SLC36A3: variants seen among roughly 807,000 people sequenced by gnomAD.
SLC36A3 encodes proton-coupled amino acid transporter 3.
Under a neutral mutation model 44.3 loss-of-function variants are expected in SLC36A3, and 35 were observed. The ratio of observed to expected loss-of-function variants is 0.79; its 90% CI spans 0.60 to 1.05. The LOEUF is 1.05. SLC36A3 is among the 50% of genes least tolerant of loss of function. SLC36A3 has a pLI of 0.00. For synonymous variants in SLC36A3, 211 were observed against 227.6 expected (o/e 0.93, Z 0.66); for missense variants, 540 against 578.7 (o/e 0.93, Z 0.69).
intron 2 of SLC36A3, 57 bp from the exon 3 acceptor site, chr5:151,296,325 G>T: frequency 6.8e-7 from 1 of 1,474,130 alleles, no homozygotes; most frequent in Non-Finnish European, 9.5e-7. Flanking sequence ...CCCATTCCCT[G>T]GCCCTCTCAC....
chr5:151,277,660 A>AT lies in SLC36A3; in HGVS notation c.1145_1146insA (p.Cys382Ter), dbSNP rs1754146883. 2.5e-6 allele frequency: 4 copies of AT among 1,613,380 alleles called. No individual in the cohort carries two copies. The highest frequency in any genetic ancestry group is 2.5e-6 in the Non-Finnish European group (3 of 1,179,712). ...SVRSALVCLT[C>*]VSAILIPRLD... is the part of the protein sequence containing the mutation. Reference sequence around the variant, plus strand: ...GGCGGGGGATGAGGATGGCTGAGACACCTGCAATGAAAGGAGATATTTAGA... The same window carrying AT: ...GGCGGGGGATGAGGATGGCTGAGACATCCTGCAATGAAAGGAGATATTTAGA... Residue 382 changes from cysteine (C) to a stop codon, truncating the protein, a stop_gained and frameshift_variant and splice_region_variant, in exon 10 of 10, where the codon TGT becomes TGAT. Transcript: ENST00000335230. LOFTEE classifies it high-confidence loss of function.
intron 3 of SLC36A3, among the ~76,000 whole-genome samples, chr5:151,295,136 A>T (rs1443948093): frequency 1.3e-5 from 2 of 152,096 alleles, no homozygotes; most frequent in Non-Finnish European, 2.9e-5. Flanking sequence ...TGATATAATG[A>T]TCCCAGAAGG....
intron 4 of SLC36A3, among the ~76,000 whole-genome samples, chr5:151,289,785 T>C (rs1349496730): frequency 1.3e-5 from 2 of 152,222 alleles, no homozygotes; most frequent in African/African-American, 4.8e-5. Context: ...TTTGTACCTC[T>C]ATTTCATCAT....
intron 8 of SLC36A3, among the ~76,000 whole-genome samples, chr5:151,282,111 G>GTTTTTTTT (rs70976011): frequency 1.1e-3 from 62 of 56,118 alleles, no homozygotes; most frequent in East Asian, 2.3e-3. Flanking sequence ...CTTTTTCTTT[G>GTTTTTTTT]TTTTTTTTTT....
At chr5:151,299,428 T>G (rs574210266) in intron 1 of SLC36A3, among the ~76,000 whole-genome samples, 1 of 149,856 alleles carries the variant, frequency 6.7e-6, no homozygotes, top group Non-Finnish European at 1.5e-5. Context: ...ATCGACATTA[T>G]GCACTGGGTA....
rs1258133192 is a variant in SLC36A3 at position 151,298,696 on chromosome 5, G to C, written c.129-13C>G. The C allele has an allele frequency of 1.3e-5, 21 of 1,613,460 alleles. No homozygotes were observed. The highest frequency in any genetic ancestry group is 1.8e-5 in the Non-Finnish European group (21 of 1,179,410). ...AGTTTGCATCATCCTGTGGTGGGGAGAGTAGGGAGACAGAGGGTACTGTTA... is the reference window on the plus strand; with the variant it reads ...AGTTTGCATCATCCTGTGGTGGGGACAGTAGGGAGACAGAGGGTACTGTTA... On this transcript the variant is annotated splice_polypyrimidine_tract_variant and intron_variant, in intron 1 of 9. Coordinates refer to ENST00000335230, the MANE Select transcript of SLC36A3 (RefSeq NM_181774.4).
At chr5:151,302,769 A>G (rs1205350361) in intron 1 of SLC36A3, among the ~76,000 whole-genome samples, 1 of 151,938 alleles carries the variant, frequency 6.6e-6, no homozygotes, top group Non-Finnish European at 1.5e-5. Flanking sequence ...AAAAAAAGAG[A>G]GAAGAGTTCC....
At chr5:151,290,655 C>T (rs1423925057) in intron 4 of SLC36A3, among the ~76,000 whole-genome samples, 1 of 152,134 alleles carries the variant, frequency 6.6e-6, no homozygotes, top group African/African-American at 2.4e-5. Flanking sequence ...CACCACTTTG[C>T]AAGGCCGAGG....
Position 151,293,397 on chromosome 5 carries a change from T to C in SLC36A3, c.371A>G (p.Asn124Ser). ...ATMYGLETCP[N>S]TWLRAHAVWG... ...CACTGCATGGGCCCTCAGCCAGGTG[T>C]TCGGGCAGGTTTCAAGGCCGTACAT... The change falls in exon 4 of 10, where the codon AAC becomes AGC. Residue 124 changes from asparagine to serine, a missense_variant. Coordinates refer to ENST00000335230, the MANE Select transcript of SLC36A3 (RefSeq NM_181774.4). 5.0e-6 allele frequency: 8 copies of C among 1,613,856 alleles called. No homozygotes were observed. Among genetic ancestry groups the C allele is most frequent in the Non-Finnish European group, 6.8e-6 (8 of 1,179,846 alleles).
intron 4 of SLC36A3, among the ~76,000 whole-genome samples, chr5:151,289,659 G>C (rs1488426651): frequency 6.6e-6 from 1 of 152,180 alleles, no homozygotes; most frequent in Non-Finnish European, 1.5e-5. Context: ...GGCTTTGTTT[G>C]AAGAGTATAG....
At chr5:151,286,139 A>G (rs913898166) in intron 6 of SLC36A3, among the ~76,000 whole-genome samples, 3 of 152,242 alleles carry the variant, frequency 2.0e-5, no homozygotes, top group African/African-American at 7.2e-5. Flanking sequence ...TGAAAGAATT[A>G]CTTTATCAAT....
rs1422612731 is a variant in SLC36A3, at chr5:151,303,633, A to G, written c.-279T>C. 3 of 356,228 alleles carry G rather than the reference A, an allele frequency of 8.4e-6. No homozygotes were observed. Among genetic ancestry groups the G allele is most frequent in the African/African-American group, 4.1e-5 (2 of 48,710 alleles). The allele number at this position is 356,228 out of a possible 1,614,324, so 22.1% of individuals were successfully genotyped here. Reference sequence around the variant, plus strand: ...AGTTTCACTCGCAATTGCTTGCCCAACCAGGACTTGCCTGGGCTTTTGGCC... The same window carrying G: ...AGTTTCACTCGCAATTGCTTGCCCAGCCAGGACTTGCCTGGGCTTTTGGCC... On this transcript the variant is annotated 5_prime_UTR_variant, in exon 1 of 10. Transcript: ENST00000335230.
chr5:151,301,237 AC>A (rs887188277), intron 1 of SLC36A3, among the ~76,000 whole-genome samples: 1 of 152,144 alleles, frequency 6.6e-6, no homozygotes, highest in Admixed American at 6.5e-5. Flanking sequence ...TCCCAAAAAG[AC>A]CCCCTTTTTG....
rs1754118201 is a variant in SLC36A3, at chr5:151,277,189, G to A, written c.*204C>T. 6 of 662,894 alleles carry A rather than the reference G, an allele frequency of 9.1e-6. No individual in the cohort carries two copies. Among genetic ancestry groups the A allele is most frequent in the Non-Finnish European group, 1.5e-5 (6 of 406,482 alleles). 41.1% of individuals were successfully genotyped at this position (662,894 alleles called of 1,614,324 possible). ...CTAATTTTGGTTCAGAGGTACAAAA[G>A]GCCATCCAAAAAATATAAAACCAAA... On this transcript the variant is annotated 3_prime_UTR_variant, in exon 10 of 10. Transcript: ENST00000335230.
rs1754114855 is a variant in SLC36A3 at position 151,277,042 on chromosome 5, G to C, written c.*351C>G. ...TTCTAAATCTGATGCTTTAAGGGCA[G>C]CTACTGCAGTGTAGAGAAAACAGTT... On this transcript the variant is annotated 3_prime_UTR_variant, in exon 10 of 10. Coordinates refer to ENST00000335230, the MANE Select transcript of SLC36A3 (RefSeq NM_181774.4). 1 of 246,112 alleles carries C rather than the reference G, an allele frequency of 4.1e-6. No individual in the cohort carries two copies. Among genetic ancestry groups the C allele is most frequent in the Non-Finnish European group, 7.9e-6 (1 of 126,910 alleles). 15.2% of individuals were successfully genotyped at this position (246,112 alleles called of 1,614,324 possible).
In SLC36A3 at chr5:151,295,026, C is replaced by A. The variant is rs556714853; in HGVS notation, c.308+1154G>T. 6.6e-5 allele frequency among the ~76,000 whole-genome samples: 10 copies of A among 151,428 alleles called. No individual in the cohort carries two copies. In the South Asian group the frequency reaches 1.9e-3, roughly 28 times the overall value. On this transcript the variant is annotated intron_variant, in intron 3 of 9. Coordinates refer to ENST00000335230, the MANE Select transcript of SLC36A3 (RefSeq NM_181774.4). ...AGCCAACTCTCAGGCCATCACTCTG[C>A]AACCTCTATATTAGAAAAAATAAAA... is the stretch of plus-strand genomic sequence containing the variant.
At chr5:151,281,329 T>C (rs1239219321) in intron 8 of SLC36A3, 146 bp from the exon 9 acceptor site, 2 of 726,570 alleles carry the variant, frequency 2.8e-6, no homozygotes, top group Non-Finnish European at 4.5e-6. Context: ...AAAACACTTC[T>C]GGTCCCAAGC....
intron 6 of SLC36A3, among the ~76,000 whole-genome samples, chr5:151,284,920 A>G (rs1016904782): frequency 2.0e-5 from 3 of 152,184 alleles, no homozygotes; most frequent in Non-Finnish European, 4.4e-5. Context: ...CATTTTAACT[A>G]TTTTAAGTGC....
chr5:151,298,334 TG>T, intron 2 of SLC36A3: 1 of 410,708 alleles, frequency 2.4e-6, no homozygotes, highest in Non-Finnish European at 4.4e-6. Flanking sequence ...ATCCTAGGAG[TG>T]GGGAGGACTG....
Sources: allele counts gnomAD v4.1 joint callset (sites outside exome capture counted in the v4.1 genomes callset), GRCh38; gene constraint gnomAD v4.1.1; transcripts MANE v1.5; gene names NCBI Gene and HGNC (gene_info 2026-07-23, HGNC 2026-07-21).